The following GFRA1 variants were observed in gnomAD, a reference collection of about 807,000 sequenced individuals.
GFRA1 encodes the protein GDNF family receptor alpha 1.
Under a neutral mutation model 51.6 loss-of-function variants are expected in GFRA1, and 16 were observed. The observed-to-expected ratio is 0.31, with a 90% CI of 0.21 to 0.47. The LOEUF (loss-of-function observed/expected upper bound fraction) is 0.47. Ranked by LOEUF, GFRA1 falls within the 20% of genes least tolerant of loss-of-function variation. The pLI, the probability that GFRA1 is intolerant of heterozygous loss-of-function variation, is 1.00. For missense variants in GFRA1, 530 were observed against 594.3 expected, an observed-to-expected ratio of 0.89 and a Z score of 1.13; for synonymous variants, 270 against 241.3, an observed-to-expected ratio of 1.12 and a Z score of -1.10.
At chr10:116,244,620 G>GAGA (rs1054773992) in intron 4 of GFRA1, among the ~76,000 whole-genome samples, 6 of 151,806 alleles carry the variant, frequency 4.0e-5, no homozygotes, top group African/African-American at 1.4e-4. Context: ...CATAGAAGGA[G>GAGA]AGAGGATTAG....
chr10:116,211,742 A>G (rs1208929113), intron 4 of GFRA1, 97 bp from the exon 5 acceptor site: 2 of 998,748 alleles, frequency 2.0e-6, no homozygotes, highest in East Asian at 5.2e-5. Context: ...TGATGATGAC[A>G]TATGCTGACT....
chr10:116,253,787 A>G (rs1255878843), intron 4 of GFRA1, among the ~76,000 whole-genome samples: 3 of 152,270 alleles, frequency 2.0e-5, no homozygotes, highest in African/African-American at 7.2e-5. Flanking sequence ...TCCATCTTGC[A>G]TCTAGCTACT....
At chr10:116,270,720 G>T in intron 3 of GFRA1, 102 bp downstream of exon 3, 5 of 944,894 alleles carry the variant, frequency 5.3e-6, no homozygotes, top group Non-Finnish European at 8.2e-6. Context: ...CTCTGCAGCT[G>T]GGGAGAAGTG....
At chr10:116,102,797 T>G (rs1956866873) in intron 6 of GFRA1, among the ~76,000 whole-genome samples, 1 of 152,108 alleles carries the variant, frequency 6.6e-6, no homozygotes, top group Non-Finnish European at 1.5e-5. Flanking sequence ...AAGCTACAAT[T>G]CAAGATGAGA....
chr10:116,191,013 C>A (rs1203453889), intron 5 of GFRA1, among the ~76,000 whole-genome samples: 1 of 152,212 alleles, frequency 6.6e-6, no homozygotes, highest in African/African-American at 2.4e-5. Context: ...TGAGAGTTCA[C>A]CGGGTTCCCA....
intron 5 of GFRA1, among the ~76,000 whole-genome samples, chr10:116,146,166 T>C (rs982802184): frequency 2.0e-5 from 3 of 152,188 alleles, no homozygotes; most frequent in Non-Finnish European, 4.4e-5. Context: ...AAGAGAATGA[T>C]AAACACCAAC....
At chr10:116,255,852 T>A in intron 4 of GFRA1, 1 of 812,258 alleles carries the variant, frequency 1.2e-6, no homozygotes, top group Non-Finnish European at 1.7e-6. Flanking sequence ...AAGTGTAGAG[T>A]AGAAAATCAG....
At chr10:116,252,386 G>T (rs1342600702) in intron 4 of GFRA1, among the ~76,000 whole-genome samples, 1 of 152,174 alleles carries the variant, frequency 6.6e-6, no homozygotes, top group East Asian at 1.9e-4. Flanking sequence ...TCAGGTGGTA[G>T]GAACAGGGCA....
In GFRA1 at chr10:116,059,958, T is replaced by C. The variant is rs543117226; in HGVS notation, c.*4440A>G. 7.2e-5 allele frequency: 11 copies of C among 152,226 alleles called. No homozygotes were observed. The highest frequency in any genetic ancestry group is 2.6e-4 in the African/African-American group (11 of 41,530). 9.4% of individuals were successfully genotyped at this position (152,226 alleles called of 1,614,324 possible). The stretch of plus-strand genomic sequence containing the variant: ...AATTTAGAGCTATTACGATGAAGAA[T>C]TGGGGAGGGCAATACTTAGGCAATA... On this transcript the variant is annotated 3_prime_UTR_variant, in exon 11 of 11. Coordinates refer to ENST00000355422, the MANE Select transcript of GFRA1 (RefSeq NM_005264.8).
At chr10:116,066,760 T>C (rs527997336) in intron 9 of GFRA1, among the ~76,000 whole-genome samples, 123 of 152,260 alleles carry the variant, frequency 8.1e-4, no homozygotes, top group African/African-American at 2.8e-3. Context: ...TCCTTCCTCA[T>C]CCCCAGCAAC....
chr10:116,196,646 TAATATATATATAGTACTATATATAA>T (rs1963845189), intron 5 of GFRA1, among the ~76,000 whole-genome samples: 1 of 8,154 alleles, frequency 1.2e-4, no homozygotes, highest in Non-Finnish European at 3.0e-4. Context: ...GTACTATATA[TAATATATATATAGTACTATATATAA>T]TATATATAAT....
intron 5 of GFRA1, among the ~76,000 whole-genome samples, chr10:116,131,473 T>C (rs1958099844): frequency 6.6e-6 from 1 of 152,314 alleles, no homozygotes; most frequent in South Asian, 2.1e-4. Context: ...TACCAGCATA[T>C]TGATAATAAT....
At chr10:116,115,107 T>C (rs2133981611) in intron 6 of GFRA1, among the ~76,000 whole-genome samples, 1 of 152,368 alleles carries the variant, frequency 6.6e-6, no homozygotes, top group Middle Eastern at 3.4e-3. Context: ...TTTAAATTCT[T>C]GTTTTTCTTG....
At chr10:116,080,689 C>T (rs1955811816) in intron 9 of GFRA1, among the ~76,000 whole-genome samples, 1 of 152,076 alleles carries the variant, frequency 6.6e-6, no homozygotes, top group African/African-American at 2.4e-5. Flanking sequence ...TTCTTTGGAT[C>T]ACACCTGAGT....
chr10:116,083,187 G>C (rs995512092), intron 9 of GFRA1, among the ~76,000 whole-genome samples: 1 of 152,228 alleles, frequency 6.6e-6, no homozygotes, highest in Admixed American at 6.5e-5. Context: ...TGGGTGAAAA[G>C]GAAAGTGCGG....
Position 116,182,880 on chromosome 10 carries a change from C to T in GFRA1, c.433+28751G>A, listed in dbSNP as rs551447534. ...CCTTCAAGTATCAGCCAGAGCTGAGCGCTCCTGGAAGACATCTCCAGATGC... is the reference window on the plus strand; with the variant it reads ...CCTTCAAGTATCAGCCAGAGCTGAGTGCTCCTGGAAGACATCTCCAGATGC... On this transcript the variant is annotated intron_variant, in intron 5 of 10. Coordinates refer to ENST00000355422, the MANE Select transcript of GFRA1 (RefSeq NM_005264.8). Among the ~76,000 whole-genome samples the T allele has an allele frequency of 7.2e-5, 11 of 152,262 alleles. 1 individual carries two copies. In the South Asian group the frequency reaches 1.9e-3, roughly 26 times the overall value.
At chr10:116,080,703 C>T (rs866397028) in intron 9 of GFRA1, among the ~76,000 whole-genome samples, 1 of 151,996 alleles carries the variant, frequency 6.6e-6, no homozygotes, top group Non-Finnish European at 1.5e-5. Context: ...CCTGAGTGTC[C>T]GAGTAATGGG....
chr10:116,183,254 G>A (rs1260180867), intron 5 of GFRA1, among the ~76,000 whole-genome samples: 2 of 152,248 alleles, frequency 1.3e-5, no homozygotes, highest in South Asian at 4.2e-4. Flanking sequence ...GACAAGACTT[G>A]GTGAGTAAAG....
At chr10:116,196,927 AAGGTT>A (rs1963931255) in intron 5 of GFRA1, among the ~76,000 whole-genome samples, 1 of 146,638 alleles carries the variant, frequency 6.8e-6, no homozygotes, top group Non-Finnish European at 1.5e-5. Flanking sequence ...GGTTTCTCTG[AAGGTT>A]CTAGGAAGTC....
Sources: allele counts gnomAD v4.1 joint callset (sites outside exome capture counted in the v4.1 genomes callset), GRCh38; gene constraint gnomAD v4.1.1; transcripts MANE v1.5; gene names NCBI Gene and HGNC (gene_info 2026-07-23, HGNC 2026-07-21).